The following FAM135B variants were observed in gnomAD, a reference collection of about 807,000 sequenced individuals.
The protein encoded by FAM135B is protein FAM135B.
A neutral mutation model predicts 127.7 loss-of-function variants in FAM135B; 43 were observed. The ratio of observed to expected loss-of-function variants is 0.34; its 90% CI spans 0.26 to 0.43. FAM135B has a LOEUF of 0.43. Among genes scored for constraint, FAM135B ranks in the 20% least tolerant of loss-of-function variants. The pLI is 1.00. For synonymous variants in FAM135B, 670 were observed against 665.1 expected, an observed-to-expected ratio of 1.01 and a Z score of -0.11; for missense variants, 1,558 against 1,725.6, an observed-to-expected ratio of 0.90 and a Z score of 1.72.
chr8:138,442,428 G>A (rs1009830943), intron 1 of FAM135B, among the ~76,000 whole-genome samples: 1 of 151,352 alleles, frequency 6.6e-6, no homozygotes, highest in Non-Finnish European at 1.5e-5. Flanking sequence ...AACATCCTTT[G>A]AAGTGAATGC....
At chr8:138,250,049 G>T (rs1382875588) in intron 6 of FAM135B, among the ~76,000 whole-genome samples, 4 of 152,098 alleles carry the variant, frequency 2.6e-5, no homozygotes, top group Admixed American at 1.3e-4. Context: ...TCACTGAAGG[G>T]AAGAATCAAA....
chr8:138,137,020 C>T (rs916260724), intron 19 of FAM135B, 127 bp downstream of exon 19: 1 of 640,328 alleles, frequency 1.6e-6, no homozygotes, highest in Non-Finnish European at 2.8e-6. Flanking sequence ...TTTGTCCTAT[C>T]ACTAAGCTAA....
intron 1 of FAM135B, among the ~76,000 whole-genome samples, chr8:138,369,457 T>C (rs2131226109): frequency 6.6e-6 from 1 of 152,314 alleles, no homozygotes; most frequent in African/African-American, 2.4e-5. Flanking sequence ...TAACTGCATC[T>C]CAGCTCAGGC....
At chr8:138,333,388 T>C (rs1462154491) in intron 2 of FAM135B, among the ~76,000 whole-genome samples, 2 of 152,190 alleles carry the variant, frequency 1.3e-5, no homozygotes, top group Non-Finnish European at 2.9e-5. Flanking sequence ...GTATGCTGTG[T>C]TGCTGGTGTG....
chr8:138,399,954 C>A (rs1833062109), intron 1 of FAM135B, among the ~76,000 whole-genome samples: 1 of 152,192 alleles, frequency 6.6e-6, no homozygotes, highest in Admixed American at 6.5e-5. Flanking sequence ...ATACCCTTGG[C>A]AAGGCTATAA....
At chr8:138,229,859 C>G (rs1249594025) in intron 7 of FAM135B, among the ~76,000 whole-genome samples, 1 of 151,840 alleles carries the variant, frequency 6.6e-6, no homozygotes, top group Admixed American at 6.6e-5. Flanking sequence ...CATCAGCTCT[C>G]GTGAGCACTC....
intron 1 of FAM135B, among the ~76,000 whole-genome samples, chr8:138,474,468 A>G (rs1814278551): frequency 6.6e-6 from 1 of 152,162 alleles, no homozygotes; most frequent in African/African-American, 2.4e-5. Flanking sequence ...TTCCTCCCTC[A>G]TGCCAGTTTT....
chr8:138,386,005 G>T (rs1453620957), intron 1 of FAM135B, among the ~76,000 whole-genome samples: 3 of 152,008 alleles, frequency 2.0e-5, no homozygotes, highest in Non-Finnish European at 4.4e-5. Context: ...TGGATCACCT[G>T]AGGTCAAGAG....
chr8:138,337,200 G>T (rs35351347), intron 2 of FAM135B, among the ~76,000 whole-genome samples: 71,471 of 149,058 alleles, frequency 0.48, 18,204 homozygotes, highest in Non-Finnish European at 0.6. Context: ...ACTGGCACAA[G>T]ACAGGGATGC....
chr8:138,249,141 G>A (rs1250654751), intron 6 of FAM135B, among the ~76,000 whole-genome samples: 1 of 152,158 alleles, frequency 6.6e-6, no homozygotes, highest in Non-Finnish European at 1.5e-5. Flanking sequence ...TCACCTCGCA[G>A]AGGGCAGACA....
chr8:138,288,906 G>T (rs1324348964), intron 3 of FAM135B, among the ~76,000 whole-genome samples: 1 of 152,192 alleles, frequency 6.6e-6, no homozygotes, highest in Non-Finnish European at 1.5e-5. Flanking sequence ...AATGTTAAGT[G>T]CACCCAGTAG....
At chr8:138,317,202 C>A (rs1015699392) in intron 2 of FAM135B, among the ~76,000 whole-genome samples, 1 of 152,138 alleles carries the variant, frequency 6.6e-6, no homozygotes, top group African/African-American at 2.4e-5. Context: ...ACAACTCATA[C>A]ACAGAACAAT....
rs182298987 is a variant in FAM135B at position 138,375,144 on chromosome 8, C to G, written c.-19-7142G>C. Reference sequence around the variant, plus strand: ...AATGCCAGCTCTGGCAAAAAAAAAACTGCACATGTAGCTGATAGCTGAGCC... The same window carrying G: ...AATGCCAGCTCTGGCAAAAAAAAAAGTGCACATGTAGCTGATAGCTGAGCC... On this transcript the variant is annotated intron_variant, in intron 1 of 19. Coordinates refer to ENST00000395297, the MANE Select transcript of FAM135B (RefSeq NM_015912.4). 4.2e-3 allele frequency among the ~76,000 whole-genome samples: 640 copies of G among 151,694 alleles called. 7 individuals are homozygous for G. The highest frequency in any genetic ancestry group is 0.015 in the African/African-American group (619 of 41,192).
intron 2 of FAM135B, among the ~76,000 whole-genome samples, chr8:138,360,224 G>A (rs1454742024): frequency 6.6e-6 from 1 of 152,204 alleles, no homozygotes; most frequent in African/African-American, 2.4e-5. Context: ...AAGGACAAAT[G>A]TTAGCTCCAT....
At chr8:138,314,279 C>A (rs147447594) in intron 2 of FAM135B, among the ~76,000 whole-genome samples, 2 of 152,244 alleles carry the variant, frequency 1.3e-5, no homozygotes, top group East Asian at 3.9e-4. Context: ...CTCACAGGAA[C>A]CTAACCCTCT....
intron 1 of FAM135B, among the ~76,000 whole-genome samples, chr8:138,449,207 ATAAT>A (rs1332135551): frequency 6.6e-6 from 1 of 152,210 alleles, no homozygotes; most frequent in Non-Finnish European, 1.5e-5. Context: ...TCTCACATAC[ATAAT>A]TAATTCATTA....
At chr8:138,298,655 A>G (rs1476599681) in intron 3 of FAM135B, among the ~76,000 whole-genome samples, 1 of 152,196 alleles carries the variant, frequency 6.6e-6, no homozygotes, top group Non-Finnish European at 1.5e-5. Context: ...TTTACAGGAT[A>G]CAATAATATA....
chr8:138,258,751 T>C (rs1017947676), intron 4 of FAM135B, among the ~76,000 whole-genome samples: 1 of 151,848 alleles, frequency 6.6e-6, no homozygotes, highest in Non-Finnish European at 1.5e-5. Flanking sequence ...TAAACATTTA[T>C]TTCATGGTTG....
intron 2 of FAM135B, among the ~76,000 whole-genome samples, chr8:138,344,603 T>C (rs553219504): frequency 1.8e-5 from 2 of 113,508 alleles, no homozygotes; most frequent in East Asian, 6.1e-4. Context: ...TGTTAAGGAG[T>C]CTCGCTCTGT....
Sources: allele counts gnomAD v4.1 joint callset (sites outside exome capture counted in the v4.1 genomes callset), GRCh38; gene constraint gnomAD v4.1.1; transcripts MANE v1.5; gene names NCBI Gene and HGNC (gene_info 2026-07-23, HGNC 2026-07-21).